The following ATP11C variants were observed in gnomAD, a reference collection of about 807,000 sequenced individuals.
ATP11C encodes phospholipid-transporting ATPase IG.
Under a neutral mutation model 97.4 loss-of-function variants are expected in ATP11C, and 36 were observed. That is an observed-to-expected ratio of 0.37 (90% CI 0.28 to 0.49). The LOEUF (loss-of-function observed/expected upper bound fraction) is 0.49, where lower values mean the gene tolerates loss of function less well. Among genes scored for constraint, ATP11C ranks in the 20% least tolerant of loss-of-function variants. The probability of loss-of-function intolerance (pLI) is 0.98; values close to 1 mark genes in which losing one functional copy is unlikely to be tolerated. For synonymous variants in ATP11C, 275 were observed against 290.9 expected (o/e 0.95, Z 0.56); for missense variants, 730 against 824.6 (o/e 0.89, Z 1.40).
chrX:139,841,929 C>T (rs1033914013), intron 1 of ATP11C, among the ~76,000 whole-genome samples: 17 of 112,410 alleles, frequency 1.5e-4, no homozygotes, highest in African/African-American at 5.2e-4. Flanking sequence ...GGGACTAGGA[C>T]CTTATCAGGT....
intron 1 of ATP11C, among the ~76,000 whole-genome samples, chrX:139,839,887 G>A (rs759501984): frequency 1.8e-5 from 2 of 110,775 alleles, no homozygotes; most frequent in African/African-American, 6.6e-5. Flanking sequence ...CAGGTAAGCC[G>A]GAGGACCCTT....
intron 26 of ATP11C, among the ~76,000 whole-genome samples, chrX:139,742,874 AAAATATATATATATATAT>A (rs1272199375): frequency 8.9e-3 from 215 of 24,177 alleles, no homozygotes; most frequent in East Asian, 0.034. Flanking sequence ...TAAAAAAAAA[AAAATATATATATATATAT>A]ATATATATAT....
intron 6 of ATP11C, 122 bp from the exon 7 acceptor site, chrX:139,802,461 A>T: frequency 2.6e-6 from 1 of 383,515 alleles, no homozygotes; most frequent in East Asian, 4.0e-5. Flanking sequence ...CAGAATAAAC[A>T]AATATTAACA....
chrX:139,772,779 T>C (rs915262607), intron 19 of ATP11C, among the ~76,000 whole-genome samples: 5 of 111,873 alleles, frequency 4.5e-5, no homozygotes, highest in African/African-American at 1.6e-4. Flanking sequence ...TGTACCCCCA[T>C]TGTATCTAGG....
At chrX:139,754,139 C>A (rs958801594) in intron 23 of ATP11C, among the ~76,000 whole-genome samples, 1 of 111,184 alleles carries the variant, frequency 9.0e-6, no homozygotes, top group Non-Finnish European at 1.9e-5. Flanking sequence ...AATGACAAAG[C>A]AGATGATACT....
At chrX:139,848,657 A>G (rs2083945779) in intron 1 of ATP11C, among the ~76,000 whole-genome samples, 1 of 110,010 alleles carries the variant, frequency 9.1e-6, no homozygotes, top group East Asian at 2.9e-4. Context: ...GTAGCACTGC[A>G]CTCAGCTAAA....
chrX:139,731,999 T>C (rs1418811990), intron 28 of ATP11C, among the ~76,000 whole-genome samples: 2 of 111,692 alleles, frequency 1.8e-5, no homozygotes, highest in East Asian at 2.8e-4. Context: ...CAGTAGTATG[T>C]AGTAAACTTG....
chrX:139,782,199 C>A (rs1432429878), intron 18 of ATP11C, among the ~76,000 whole-genome samples: 9 of 108,975 alleles, frequency 8.3e-5, no homozygotes, highest in Admixed American at 7.8e-4. Context: ...TGGTGGTGGG[C>A]ACCTGTAGTC....
intron 23 of ATP11C, among the ~76,000 whole-genome samples, chrX:139,752,853 C>A (rs765419771): frequency 6.3e-5 from 7 of 111,903 alleles, no homozygotes; most frequent in South Asian, 7.5e-4. Flanking sequence ...CCAAAAACTG[C>A]AAGATGCTTA....
At position 139,745,948 on chromosome X, in the gene ATP11C, G is replaced by A. The variant is rs188124163; in HGVS notation, c.2829-91C>T. The stretch of plus-strand genomic sequence containing the variant: ...AAAGGTGGGCGTGGAATTTGACCCT[G>A]TTATAATGAAGGGGGCTACCCTTAA... On this transcript the variant is annotated intron_variant, in intron 24 of 29. Transcript: ENST00000682941. 6.1e-4 allele frequency: 620 copies of A among 1,011,017 alleles called. 6 individuals carry two copies. In the East Asian group the frequency reaches 0.014, roughly 23 times the overall value. 83.3% of individuals were successfully genotyped at this position (1,011,017 alleles called of 1,213,427 possible).
rs954704766 is a variant in ATP11C, at chrX:139,746,410, G to T, written c.2829-553C>A. On this transcript the variant is annotated intron_variant, in intron 24 of 29. Transcript: ENST00000682941. ...AAAGCCCACCAGTTGATTTCAATGT[G>T]CAGTATAGTCTGGGAACCACTAGTG... Among the ~76,000 whole-genome samples the T allele has an allele frequency of 1.3e-4, 15 of 111,683 alleles. 1 individual carries two copies. The highest frequency in any genetic ancestry group is 1.1e-4 in the Non-Finnish European group (6 of 53,114).
At chrX:139,791,302 T>C (rs1018038312) in intron 12 of ATP11C, among the ~76,000 whole-genome samples, 1 of 111,656 alleles carries the variant, frequency 9.0e-6, no homozygotes, top group African/African-American at 3.3e-5. Context: ...TTAACCTTCA[T>C]TTTTCCCTGA....
chrX:139,734,405 T>TAA (rs1014793521), intron 28 of ATP11C, among the ~76,000 whole-genome samples: 2 of 111,370 alleles, frequency 1.8e-5, no homozygotes, highest in African/African-American at 6.5e-5. Flanking sequence ...GCATTCCCAT[T>TAA]AAATTATAGT....
chrX:139,762,044 TA>T lies in ATP11C; in HGVS notation c.2556del (p.Phe852LeufsTer4). On this transcript the variant is annotated frameshift_variant, in exon 22 of 30. Transcript: ENST00000682941. LOFTEE classifies it high-confidence loss of function. The stretch of plus-strand genomic sequence containing the variant: ...GCCAACAGCAGTTTCTTTAAGTGTT[TA>T]AACTTTGGAACAGAATAATCGCTAT... ...ARNSDYSVPK[F>X]KHLKKLLLAH... is the part of the protein sequence containing the mutation. 8.3e-7 allele frequency: 1 copy of T among 1,208,382 alleles called. No homozygotes were observed. Among genetic ancestry groups the T allele is most frequent in the Non-Finnish European group, 1.1e-6 (1 of 892,821 alleles).
chrX:139,801,063 C>G (rs5954594), intron 7 of ATP11C, among the ~76,000 whole-genome samples: 22,429 of 111,610 alleles, frequency 0.2, 3,898 homozygotes, highest in African/African-American at 0.56. Context: ...CGAAGTCACA[C>G]AGCAAGGAAT....
At chrX:139,893,846 T>C (rs1250388826) in intron 1 of ATP11C, among the ~76,000 whole-genome samples, 1 of 110,907 alleles carries the variant, frequency 9.0e-6, no homozygotes, top group Non-Finnish European at 1.9e-5. Flanking sequence ...CTGGTAGAGA[T>C]GCCTGTCATT....
intron 24 of ATP11C, among the ~76,000 whole-genome samples, chrX:139,748,784 CAAAT>C (rs1381350923): frequency 9.0e-6 from 1 of 111,435 alleles, no homozygotes; most frequent in Non-Finnish European, 1.9e-5. Flanking sequence ...GTTTTGTCCA[CAAAT>C]AAATTGCAAG....
At chrX:139,856,169 G>A (rs2084086931) in intron 1 of ATP11C, among the ~76,000 whole-genome samples, 1 of 112,365 alleles carries the variant, frequency 8.9e-6, no homozygotes, top group African/African-American at 3.2e-5. Flanking sequence ...CACTAGGGTG[G>A]TCCTCCAGTC....
At chrX:139,741,179 A>G (rs1183285996) in intron 26 of ATP11C, 85 bp from the exon 27 acceptor site, 2 of 553,877 alleles carry the variant, frequency 3.6e-6, no homozygotes, top group East Asian at 3.5e-5. Flanking sequence ...CTAGTACACA[A>G]TGATACCTAT....
Sources: allele counts gnomAD v4.1 joint callset (sites outside exome capture counted in the v4.1 genomes callset), GRCh38; gene constraint gnomAD v4.1.1; transcripts MANE v1.5; gene names NCBI Gene and HGNC (gene_info 2026-07-23, HGNC 2026-07-21).